APIP: variants seen among roughly 807,000 people sequenced by gnomAD.
APIP encodes the protein methylthioribulose-1-phosphate dehydratase.
In APIP, 32 loss-of-function variants were observed where a neutral mutation model predicts 32.0. The observed-to-expected ratio is 1.00, with a 90% CI of 0.76 to 1.34. The LOEUF is 1.34. Ranked by LOEUF, APIP falls within the 40% of genes most tolerant of loss-of-function variation. APIP has a pLI of 0.00. For missense variants in APIP, 247 were observed against 298.6 expected (o/e 0.83, Z 1.27); for synonymous variants, 92 against 94.8 (o/e 0.97, Z 0.17).
At chr11:34,889,019 G>A (rs1415992374) in intron 3 of APIP, 150 bp from the exon 4 acceptor site, 2 of 387,372 alleles carry the variant, frequency 5.2e-6, no homozygotes, top group Admixed American at 9.0e-5. Flanking sequence ...CATATACATA[G>A]AGTGCTAATA....
rs555372735 is a variant in APIP at position 34,888,193 on chromosome 11, C to T, written c.461+100G>A. ...ATGGAGTATTATTTAACACAGATCC[C>T]ACGACATCTCATTATATGCATAAAA... On this transcript the variant is annotated intron_variant, in intron 5 of 6. Transcript: ENST00000395787. 23 of 1,132,586 alleles carry T rather than the reference C, an allele frequency of 2.0e-5. No homozygotes were observed. The African/African-American group carries it at 2.7e-4, about 13-fold the overall frequency. 70.2% of individuals were successfully genotyped at this position (1,132,586 alleles called of 1,614,324 possible).
At chr11:34,905,880 C>A (rs755897101) in intron 1 of APIP, among the ~76,000 whole-genome samples, 73 of 152,106 alleles carry the variant, frequency 4.8e-4, no homozygotes, top group Non-Finnish European at 7.8e-4. Flanking sequence ...GATCTGTGGG[C>A]AAACTGGAGG....
chr11:34,901,956 C>T (rs1197047750), intron 1 of APIP, among the ~76,000 whole-genome samples: 1 of 152,168 alleles, frequency 6.6e-6, no homozygotes, highest in Non-Finnish European at 1.5e-5. Flanking sequence ...CCTCCTCAAA[C>T]CCTTTAATAG....
chr11:34,888,687 A>C, intron 4 of APIP, 65 bp downstream of exon 4: 2 of 1,290,384 alleles, frequency 1.5e-6, no homozygotes, highest in Non-Finnish European at 2.1e-6. Context: ...TGAAATAATA[A>C]TTACCATTAT....
Position 34,888,377 on chromosome 11 carries a change from A to T in APIP, c.377T>A (p.Leu126His). 1.2e-6 allele frequency: 2 copies of T among 1,611,438 alleles called. No homozygotes were observed. Among genetic ancestry groups the T allele is most frequent in the Non-Finnish European group, 1.7e-6 (2 of 1,178,772 alleles). Reference protein sequence around the residue: ...THSKAAVMATLLFPGREFKIT... With the variant: ...THSKAAVMATHLFPGREFKIT... ...TTTAAACTCCCGTCCTGGAAAGAGA[A>T]GTGTGGCCATCACAGCAGCTTTAGA... Residue 126 changes from leucine (L) to histidine (H), a missense_variant, in exon 5 of 7, where the codon CTT (leucine) becomes CAT (histidine). Physicochemically the swap from Leu to His is moderately conservative, Grantham distance 99. Transcript: ENST00000395787.
At chr11:34,888,159 T>C in intron 5 of APIP, 134 bp downstream of exon 5, 2 of 882,084 alleles carry the variant, frequency 2.3e-6, no homozygotes, top group Admixed American at 3.8e-5. Context: ...TCTAGAAGTG[T>C]AATATTAAAT....
At chr11:34,886,028 A>G (rs1853064894) in intron 5 of APIP, among the ~76,000 whole-genome samples, 1 of 152,190 alleles carries the variant, frequency 6.6e-6, no homozygotes, top group African/African-American at 2.4e-5. Context: ...TAGTTTATGT[A>G]TTTATTACTC....
chr11:34,914,292 A>T (rs1853612823), intron 1 of APIP, among the ~76,000 whole-genome samples: 1 of 152,218 alleles, frequency 6.6e-6, no homozygotes, highest in Admixed American at 6.5e-5. Flanking sequence ...AACCAGATGC[A>T]GCTTGCACTT....
At chr11:34,912,790 G>C (rs889432141) in intron 1 of APIP, among the ~76,000 whole-genome samples, 1 of 152,098 alleles carries the variant, frequency 6.6e-6, no homozygotes, top group African/African-American at 2.4e-5. Flanking sequence ...GGCCTATTGC[G>C]GGATCTTGGG....
chr11:34,888,543 C>T, intron 4 of APIP, 115 bp from the exon 5 acceptor site: 1 of 1,446,768 alleles, frequency 6.9e-7, no homozygotes, highest in Non-Finnish European at 9.2e-7. Context: ...CTTATTTTTC[C>T]TGGCATGGAA....
chr11:34,910,503 T>A (rs1330567473), intron 1 of APIP, among the ~76,000 whole-genome samples: 1 of 152,040 alleles, frequency 6.6e-6, no homozygotes, highest in African/African-American at 2.4e-5. Context: ...AGATTAAACA[T>A]ACAGGAAAGC....
At chr11:34,900,883 A>G (rs1414182452) in intron 1 of APIP, among the ~76,000 whole-genome samples, 1 of 152,090 alleles carries the variant, frequency 6.6e-6, no homozygotes, top group African/African-American at 2.4e-5. Context: ...ATGATAGACC[A>G]AAGACCAAAC....
intron 6 of APIP, 54 bp downstream of exon 6, chr11:34,883,283 C>G: frequency 6.6e-7 from 1 of 1,508,312 alleles, no homozygotes; most frequent in Admixed American, 2.1e-5. Context: ...CTTTGTTTTC[C>G]TTCACATTTA....
intron 1 of APIP, among the ~76,000 whole-genome samples, chr11:34,904,881 G>T (rs898585074): frequency 2.0e-5 from 3 of 152,192 alleles, no homozygotes; most frequent in African/African-American, 7.2e-5. Context: ...AGAAAGAGGA[G>T]ATCTTAAGCT....
rs890108854 is a variant in APIP at position 34,916,097 on chromosome 11, G to C, written c.57+131C>G. On this transcript the variant is annotated intron_variant, in intron 1 of 6. Transcript: ENST00000395787. ...CAAGGTCGCGGTGCGCCGGGGTAGC[G>C]AACGGCCAGGCCCGAAACCCCGCCC... 4 of 1,230,688 alleles carry C rather than the reference G, an allele frequency of 3.3e-6. No homozygotes were observed. The African/African-American group carries it at 4.7e-5, about 14-fold the overall frequency. 76.2% of individuals were successfully genotyped at this position (1,230,688 alleles called of 1,614,324 possible).
intron 1 of APIP, among the ~76,000 whole-genome samples, chr11:34,904,247 C>T (rs750368864): frequency 2.0e-5 from 3 of 152,168 alleles, no homozygotes; most frequent in South Asian, 4.1e-4. Flanking sequence ...TTTGGTCTAC[C>T]GAAGTACCTT....
chr11:34,892,914 T>C (rs927667861), intron 2 of APIP, among the ~76,000 whole-genome samples: 18 of 152,304 alleles, frequency 1.2e-4, no homozygotes, highest in African/African-American at 3.8e-4. Flanking sequence ...TTAAGTCATT[T>C]AAATATTAGG....
At chr11:34,890,357 C>T (rs922817043) in intron 3 of APIP, 147 bp downstream of exon 3, 1 of 764,908 alleles carries the variant, frequency 1.3e-6, no homozygotes, top group African/African-American at 1.8e-5. Context: ...CCTTACAAAA[C>T]ATTTAATAAT....
intron 5 of APIP, among the ~76,000 whole-genome samples, chr11:34,884,168 C>A (rs1853018268): frequency 1.3e-5 from 2 of 152,174 alleles, no homozygotes; most frequent in African/African-American, 4.8e-5. Context: ...AAAATTAAGT[C>A]TATTCTTGCA....
Sources: allele counts gnomAD v4.1 joint callset (sites outside exome capture counted in the v4.1 genomes callset), GRCh38; gene constraint gnomAD v4.1.1; transcripts MANE v1.5; gene names NCBI Gene and HGNC (gene_info 2026-07-23, HGNC 2026-07-21).